SYT14: variants seen among roughly 807,000 people sequenced by gnomAD.
The protein encoded by SYT14 is synaptotagmin-14.
Under a neutral mutation model 74.2 loss-of-function variants are expected in SYT14, and 32 were observed. The ratio of observed to expected loss-of-function variants is 0.43; its 90% CI spans 0.33 to 0.58. The LOEUF (loss-of-function observed/expected upper bound fraction) is 0.58, where lower values mean the gene tolerates loss of function less well. Ranked by LOEUF, SYT14 falls within the 20% of genes least tolerant of loss-of-function variation. The probability of loss-of-function intolerance (pLI) is 0.05; values close to 1 mark genes in which losing one functional copy is unlikely to be tolerated. For missense variants in SYT14, 791 were observed against 981.8 expected, an observed-to-expected ratio of 0.81 and a Z score of 2.60; for synonymous variants, 298 against 337.7, an observed-to-expected ratio of 0.88 and a Z score of 1.29.
Position 209,990,166 on chromosome 1 carries a change from T to C in SYT14, c.-485-23467T>C, listed in dbSNP as rs376524749. ...TATTGTAAACAGAATTCATTTTCCC[T>C]CCACCTTTCATCTGTTTTTGTACAT... On this transcript the variant is annotated intron_variant, in intron 2 of 9. Transcript: ENST00000637265. 3.3e-5 allele frequency among the ~76,000 whole-genome samples: 5 copies of C among 152,234 alleles called. No homozygotes were observed. The East Asian group carries it at 9.6e-4, about 29-fold the overall frequency.
At chr1:209,970,331 T>A (rs1356279341) in intron 2 of SYT14, among the ~76,000 whole-genome samples, 1 of 152,072 alleles carries the variant, frequency 6.6e-6, no homozygotes, top group African/African-American at 2.4e-5. Flanking sequence ...CTTTCCCCAG[T>A]GTATGTTTTT....
intron 2 of SYT14, among the ~76,000 whole-genome samples, chr1:209,987,420 T>C (rs1201747372): frequency 2.0e-5 from 3 of 152,208 alleles, no homozygotes; most frequent in African/African-American, 7.2e-5. Flanking sequence ...CTTTTACTAA[T>C]AGTGGGACAT....
intron 1 of SYT14, among the ~76,000 whole-genome samples, chr1:209,944,075 T>C (rs2078782429): frequency 3.3e-5 from 5 of 152,212 alleles, no homozygotes; most frequent in Admixed American, 2.6e-4. Flanking sequence ...ATTCAAGATA[T>C]TATTTTGAGT....
intron 8 of SYT14, among the ~76,000 whole-genome samples, chr1:210,158,057 T>C (rs1460047162): frequency 1.3e-5 from 2 of 152,190 alleles, no homozygotes; most frequent in Non-Finnish European, 2.9e-5. Context: ...GTCATGTCTC[T>C]CACAGGGCAA....
chr1:210,094,424 C>G lies in SYT14; in HGVS notation c.1415C>G (p.Ser472Ter). 1 of 1,613,972 alleles carries G rather than the reference C, an allele frequency of 6.2e-7. No individual in the cohort carries two copies. Among genetic ancestry groups the G allele is most frequent in the South Asian group, 1.1e-5 (1 of 91,078 alleles). ...TCTCCCCATCTGTCATGTACACCCT[C>G]AGAAATTGGGGACAGTAAATGTGAA... Residue 472 changes from serine to a stop codon, truncating the protein, a stop_gained, in exon 6 of 10, where the codon TCA becomes TGA. Coordinates refer to ENST00000637265, the Ensembl canonical transcript of SYT14. LOFTEE classifies it high-confidence loss of function.
At position 209,938,262 on chromosome 1, in the gene SYT14, A is replaced by G. The variant is rs985232390; in HGVS notation, c.-549A>G. The G allele has an allele frequency of 5.1e-6, 8 of 1,561,332 alleles. No individual in the cohort carries two copies. The highest frequency in any genetic ancestry group is 3.6e-5 in the Admixed American group (2 of 55,882). On this transcript the variant is annotated 5_prime_UTR_variant, in exon 1 of 10. Transcript: ENST00000637265. ...AGTTGGTGCGGTCCATGGCGAGCGC[A>G]TCATGGCGATTGAAGGTAAGTGGAG...
chr1:210,112,913 G>A (rs2082291419), intron 7 of SYT14, among the ~76,000 whole-genome samples: 1 of 151,404 alleles, frequency 6.6e-6, no homozygotes, highest in African/African-American at 2.5e-5. Context: ...CTTGCTGAGA[G>A]GTGGTGGAAG....
intron 2 of SYT14, chr1:209,965,893 A>G (rs1356745485): frequency 1.1e-5 from 5 of 441,132 alleles, no homozygotes; most frequent in Non-Finnish European, 1.8e-5. Flanking sequence ...TTTTTTTTAG[A>G]TAGGGTATTT....
At position 209,997,141 on chromosome 1, in the gene SYT14, G is replaced by A. The variant is rs570629572; in HGVS notation, c.-485-16492G>A. Among the ~76,000 whole-genome samples the A allele has an allele frequency of 5.5e-4, 79 of 144,318 alleles. 2 individuals carry two copies. In the South Asian group the frequency reaches 0.017, roughly 31 times the overall value. 94.7% of individuals were successfully genotyped at this position (144,318 alleles called of 152,430 possible). A position where few individuals can be genotyped will look rare whatever the true frequency, so the allele number is the denominator to read the frequency against. ...CAATCAGGCAAGGGAAAAATAAAAG[G>A]CATCCAGATAGGGAAAAAAAGAAAA... On this transcript the variant is annotated intron_variant, in intron 2 of 9. Coordinates refer to ENST00000637265, the Ensembl canonical transcript of SYT14.
At chr1:210,143,903 T>G (rs1026653175) in intron 7 of SYT14, among the ~76,000 whole-genome samples, 1 of 152,204 alleles carries the variant, frequency 6.6e-6, no homozygotes, top group African/African-American at 2.4e-5. Flanking sequence ...ATGATAGGGT[T>G]GTTTTGATGA....
In SYT14 at chr1:209,945,962, TG is replaced by T. The variant is rs1313852749; in HGVS notation, c.-533-6745del. 3.3e-5 allele frequency among the ~76,000 whole-genome samples: 5 copies of T among 152,356 alleles called. No individual in the cohort carries two copies. The East Asian group carries it at 7.7e-4, about 23-fold the overall frequency. ...CACCTTGTGTCTCTGTGTCACGTTT[TG>T]GTAATTCTTGTTATATTTGAAACTT... On this transcript the variant is annotated intron_variant, in intron 1 of 9. Coordinates refer to ENST00000637265, the Ensembl canonical transcript of SYT14.
At chr1:210,038,314 A>G (rs909172753) in intron 5 of SYT14, among the ~76,000 whole-genome samples, 4 of 151,940 alleles carry the variant, frequency 2.6e-5, no homozygotes, top group African/African-American at 9.7e-5. Flanking sequence ...TGTCCTTTCC[A>G]GATAGGTGGG....
chr1:210,027,011 TC>T (rs1247538356), intron 5 of SYT14, among the ~76,000 whole-genome samples: 1 of 151,990 alleles, frequency 6.6e-6, no homozygotes. Context: ...GAGGCACTGA[TC>T]CCCCCATTCA....
chr1:210,121,373 A>C (rs1188720526), intron 7 of SYT14, among the ~76,000 whole-genome samples: 3 of 152,248 alleles, frequency 2.0e-5, no homozygotes, highest in African/African-American at 7.2e-5. Flanking sequence ...CAGAAGGGAC[A>C]TACCAAGCTG....
intron 2 of SYT14, among the ~76,000 whole-genome samples, chr1:209,980,263 A>G (rs2079458460): frequency 6.6e-6 from 1 of 152,042 alleles, no homozygotes; most frequent in African/African-American, 2.4e-5. Context: ...TCTTCTTTTG[A>G]GAAGTGTCTG....
At chr1:210,068,594 C>G (rs1432833064) in intron 5 of SYT14, among the ~76,000 whole-genome samples, 1 of 151,468 alleles carries the variant, frequency 6.6e-6, no homozygotes, top group Non-Finnish European at 1.5e-5. Context: ...ATTGGATTCT[C>G]TATTTCTTCA....
At chr1:210,123,563 TAGC>T (rs926367999) in intron 7 of SYT14, among the ~76,000 whole-genome samples, 2 of 152,162 alleles carry the variant, frequency 1.3e-5, no homozygotes, top group African/African-American at 2.4e-5. Flanking sequence ...GGGCAGTAAA[TAGC>T]ATAAGTTTCT....
At chr1:210,059,766 A>G (rs2081174411) in intron 5 of SYT14, among the ~76,000 whole-genome samples, 1 of 152,136 alleles carries the variant, frequency 6.6e-6, no homozygotes, top group African/African-American at 2.4e-5. Flanking sequence ...GTGAGTGTTA[A>G]GAGTCTCATT....
chr1:210,169,181 TAAG>T (rs1211985116), exon 10 of SYT14: 3 of 147,360 alleles, frequency 2.0e-5, no homozygotes, highest in Non-Finnish European at 3.0e-5. Flanking sequence ...CATACAGTCA[TAAG>T]AAGTTTGGGG....
Sources: allele counts gnomAD v4.1 joint callset (sites outside exome capture counted in the v4.1 genomes callset), GRCh38; gene constraint gnomAD v4.1.1; transcripts MANE v1.5; gene names NCBI Gene and HGNC (gene_info 2026-07-23, HGNC 2026-07-21).